ACOT7: variants seen among roughly 807,000 people sequenced by gnomAD.
ACOT7 encodes the protein cytosolic acyl coenzyme A thioester hydrolase.
A neutral mutation model predicts 40.2 loss-of-function variants in ACOT7; 12 were observed. The ratio of observed to expected loss-of-function variants is 0.30; its 90% CI spans 0.19 to 0.48. ACOT7 has a LOEUF of 0.48. Among genes scored for constraint, ACOT7 ranks in the 20% least tolerant of loss-of-function variants. The pLI is 0.99. For missense variants in ACOT7, 395 were observed against 530.8 expected, an observed-to-expected ratio of 0.74 and a Z score of 2.51; for synonymous variants, 228 against 219.5, an observed-to-expected ratio of 1.04 and a Z score of -0.34.
In ACOT7 at chr1:6,282,081, A is replaced by C. The variant is rs1428817442; in HGVS notation, c.830-795T>G. Among the ~76,000 whole-genome samples the C allele has an allele frequency of 1.3e-5, 2 of 150,358 alleles. No individual in the cohort carries two copies. Among genetic ancestry groups the C allele is most frequent in the African/African-American group, 4.9e-5 (2 of 40,804 alleles). On this transcript the variant is annotated intron_variant, in intron 7 of 8. Transcript: ENST00000361521. The surrounding 1 kb of genome is among the most constrained non-coding windows in gnomAD (Gnocchi z 4.5). ...CCTCTCTCCCCCTCAACCCTAACCA[A>C]CCTCTCTGTACGCCCCACGCTCCCC...
intron 5 of ACOT7, among the ~76,000 whole-genome samples, chr1:6,324,454 G>A (rs1476898489): frequency 6.6e-6 from 1 of 151,678 alleles, no homozygotes; most frequent in Non-Finnish European, 1.5e-5. Context: ...ACAGTCAATC[G>A]GAGGCTGGCA....
rs987877883 is a variant in ACOT7 at position 6,301,080 on chromosome 1, C to T, written c.713-6100G>A. Among the ~76,000 whole-genome samples the T allele has an allele frequency of 5.3e-5, 8 of 152,188 alleles. No homozygotes were observed. Among genetic ancestry groups the T allele is most frequent in the Non-Finnish European group, 1.0e-4 (7 of 68,040 alleles). The stretch of plus-strand genomic sequence containing the variant: ...TTCCCAAGATGATTGCAGGAAGGAG[C>T]GTTCAAAGTCACAGACCCAGAGTGT... On this transcript the variant is annotated intron_variant, in intron 6 of 8. Coordinates refer to ENST00000361521, the MANE Select transcript of ACOT7 (RefSeq NM_007274.4). The surrounding 1 kb of genome is among the most constrained non-coding windows in gnomAD (Gnocchi z 4.1).
At chr1:6,362,350 G>GA (rs570701692) in intron 1 of ACOT7, among the ~76,000 whole-genome samples, 1 of 151,838 alleles carries the variant, frequency 6.6e-6, no homozygotes, top group South Asian at 2.1e-4. Flanking sequence ...AGAATCGCTT[G>GA]AACCCAGGAG....
chr1:6,284,413 T>C, intron 7 of ACOT7, among the ~76,000 whole-genome samples: 1 of 151,724 alleles, frequency 6.6e-6, no homozygotes, highest in African/African-American at 2.4e-5. Flanking sequence ...CCTGTCTCTA[T>C]TAAAAATACA....
chr1:6,348,809 T>C, intron 2 of ACOT7, among the ~76,000 whole-genome samples: 1 of 152,186 alleles, frequency 6.6e-6, no homozygotes, highest in East Asian at 1.9e-4. Flanking sequence ...ATCTCAACAG[T>C]GTGGCTCAGA....
intron 1 of ACOT7, among the ~76,000 whole-genome samples, chr1:6,371,703 G>A (rs1030201461): frequency 6.6e-6 from 1 of 152,068 alleles, no homozygotes; most frequent in South Asian, 2.1e-4. Context: ...CCCTAGCTAT[G>A]AAAGTCCTAG....
At chr1:6,390,144 C>T (rs1175737722) in intron 1 of ACOT7, among the ~76,000 whole-genome samples, 1 of 152,170 alleles carries the variant, frequency 6.6e-6, no homozygotes, top group East Asian at 1.9e-4. Flanking sequence ...CTTCACAGGC[C>T]TACCCCTACC....
chr1:6,307,273 A>G (rs185732121), intron 6 of ACOT7, among the ~76,000 whole-genome samples: 117 of 152,346 alleles, frequency 7.7e-4, no homozygotes, highest in Middle Eastern at 3.4e-3. Context: ...GCAGCCTGGC[A>G]CAATCCTCTG....
chr1:6,368,617 G>A (rs899266116), intron 1 of ACOT7, among the ~76,000 whole-genome samples: 1 of 152,154 alleles, frequency 6.6e-6, no homozygotes, highest in African/African-American at 2.4e-5. Context: ...GACTCCCAGG[G>A]GTAGACTCCA....
chr1:6,326,436 C>T (rs1315788199), intron 5 of ACOT7, among the ~76,000 whole-genome samples: 1 of 152,198 alleles, frequency 6.6e-6, no homozygotes, highest in African/African-American at 2.4e-5. Flanking sequence ...AGCCAGAGCA[C>T]CCTGACATGA....
At chr1:6,385,114 TA>T (rs1410695239) in intron 1 of ACOT7, among the ~76,000 whole-genome samples, 1 of 152,010 alleles carries the variant, frequency 6.6e-6, no homozygotes, top group African/African-American at 2.4e-5. Flanking sequence ...CCTTCTGGTC[TA>T]AAATCACAGC....
intron 1 of ACOT7, among the ~76,000 whole-genome samples, chr1:6,369,069 C>T (rs762536851): frequency 7.9e-5 from 12 of 152,062 alleles, no homozygotes; most frequent in Admixed American, 1.3e-4. Context: ...GCAACCTCTC[C>T]ACTTCCTAGG....
chr1:6,334,717 C>T (rs1366659174), intron 3 of ACOT7, among the ~76,000 whole-genome samples: 1 of 152,232 alleles, frequency 6.6e-6, no homozygotes, highest in Non-Finnish European at 1.5e-5. Flanking sequence ...GAAACAGAGG[C>T]TCGTGGCCTG....
rs750236087 is a variant in ACOT7 at position 6,385,447 on chromosome 1, G to A, written c.143+7810C>T. ...CCAAGGCCCTGGCTGCCCAGTCGGC[G>A]TCGCAAGTGAGACACCATGGGCACA... On this transcript the variant is annotated intron_variant, in intron 1 of 8. Transcript: ENST00000361521. The A allele has an allele frequency of 1.8e-5, 28 of 1,571,720 alleles. 2 individuals are homozygous for A. The highest frequency in any genetic ancestry group is 2.2e-5 in the East Asian group (1 of 44,522).
intron 1 of ACOT7, among the ~76,000 whole-genome samples, chr1:6,390,711 A>G (rs1185334117): frequency 2.8e-4 from 41 of 148,156 alleles, no homozygotes; most frequent in East Asian, 2.5e-3. Flanking sequence ...CGAGGCGGGC[A>G]GATCACCTGA....
chr1:6,318,129 C>T (rs1341218692), intron 6 of ACOT7, among the ~76,000 whole-genome samples: 1 of 152,234 alleles, frequency 6.6e-6, no homozygotes, highest in Non-Finnish European at 1.5e-5. Flanking sequence ...GATCATGGCT[C>T]ACTGCAACTT....
intron 3 of ACOT7, among the ~76,000 whole-genome samples, chr1:6,336,357 A>AAAAAAAAAAAAC: frequency 6.6e-6 from 1 of 151,820 alleles, no homozygotes; most frequent in Non-Finnish European, 1.5e-5. Flanking sequence ...AAAAAAAAAA[A>AAAAAAAAAAAAC]ATCTCTTAAA....
At chr1:6,267,484 C>CCTGT (rs1054333289) in intron 8 of ACOT7, among the ~76,000 whole-genome samples, 27 of 152,210 alleles carry the variant, frequency 1.8e-4, no homozygotes, top group African/African-American at 6.5e-4. Flanking sequence ...TGCCTGCCTG[C>CCTGT]CTGTCTGTGT....
intron 4 of ACOT7, among the ~76,000 whole-genome samples, chr1:6,331,982 C>G (rs1275319871): frequency 6.6e-6 from 1 of 152,084 alleles, no homozygotes; most frequent in Non-Finnish European, 1.5e-5. Flanking sequence ...CCCTGGTGAC[C>G]GGGGGGCCAC....
Sources: gnomAD v4.1 joint callset for allele counts (sites outside exome capture counted in the v4.1 genomes callset) on GRCh38, gnomAD v4.1.1 for gene constraint, Gnocchi (gnomAD v3.1) non-coding constraint, MANE v1.5 for transcripts, NCBI Gene and HGNC (gene_info 2026-07-23, HGNC 2026-07-21) for gene names.